Variants in MRAS observed in about 807,000 individuals in gnomAD.
The protein encoded by MRAS is muscle RAS oncogene homolog, also known as ras-related protein M-Ras.
A neutral mutation model predicts 20.9 loss-of-function variants in MRAS; 4 were observed. The ratio of observed to expected loss-of-function variants is 0.19; its 90% CI spans 0.09 to 0.44. The LOEUF is 0.44. Among genes scored for constraint, MRAS ranks in the 20% least tolerant of loss-of-function variants. The probability of loss-of-function intolerance (pLI) is 0.99; values close to 1 mark genes in which losing one functional copy is unlikely to be tolerated. For missense variants in MRAS, 154 were observed against 277.5 expected (o/e 0.56, Z 3.16); for synonymous variants, 98 against 102.9 (o/e 0.95, Z 0.29).
At chr3:138,369,379 T>A (rs1199336) in intron 1 of MRAS, among the ~76,000 whole-genome samples, 129,718 of 152,084 alleles carry the variant, frequency 0.85, 55,599 homozygotes, top group East Asian at 0.97. Context: ...ATGAGGAGGT[T>A]TGTGCTCTCC....
At chr3:138,377,226 G>A (rs1022726013) in intron 2 of MRAS, among the ~76,000 whole-genome samples, 1 of 152,188 alleles carries the variant, frequency 6.6e-6, no homozygotes, top group African/African-American at 2.4e-5. Flanking sequence ...CCCGATTTAG[G>A]GCATTGCCCA....
chr3:138,397,222 G>A, intron 2 of MRAS, 102 bp from the exon 3 acceptor site: 2 of 1,415,450 alleles, frequency 1.4e-6, no homozygotes, highest in Non-Finnish European at 1.9e-6. Context: ...CTCGGACTGG[G>A]CCACGGTAGG....
At chr3:138,395,447 A>G (rs2055216094) in intron 2 of MRAS, among the ~76,000 whole-genome samples, 1 of 151,054 alleles carries the variant, frequency 6.6e-6, no homozygotes, top group South Asian at 2.1e-4. Flanking sequence ...CCTCCTCTCC[A>G]TCCTTCACAC....
intron 1 of MRAS, among the ~76,000 whole-genome samples, chr3:138,366,288 T>A (rs138283442): frequency 9.7e-4 from 148 of 152,292 alleles, no homozygotes; most frequent in African/African-American, 3.2e-3. Flanking sequence ...CCAGACATCA[T>A]AGAGATGAGA....
At chr3:138,373,972 G>A (rs2054728669) in intron 2 of MRAS, among the ~76,000 whole-genome samples, 1 of 150,996 alleles carries the variant, frequency 6.6e-6, no homozygotes, top group South Asian at 2.1e-4. Context: ...GTTTGTTTTT[G>A]GGGGGACGGA....
chr3:138,389,028 G>C (rs2055073879), intron 2 of MRAS, among the ~76,000 whole-genome samples: 1 of 151,966 alleles, frequency 6.6e-6, no homozygotes, highest in Non-Finnish European at 1.5e-5. Flanking sequence ...TTTTAGTAGA[G>C]ACTGGGTTTT....
chr3:138,351,204 CCAAA>C (rs2054219983), intron 1 of MRAS, among the ~76,000 whole-genome samples: 1 of 152,124 alleles, frequency 6.6e-6, no homozygotes, highest in Non-Finnish European at 1.5e-5. Flanking sequence ...TGAAATGCCC[CCAAA>C]CAGAGTGTGT....
intron 2 of MRAS, among the ~76,000 whole-genome samples, chr3:138,374,922 C>A (rs111712486): frequency 7.0e-4 from 106 of 152,268 alleles, no homozygotes; most frequent in Non-Finnish European, 1.3e-3. Context: ...TGCACTGTCA[C>A]CCAGGCTGGA....
Position 138,402,235 on chromosome 3 carries a change from C to G in MRAS, c.593C>G (p.Thr198Arg). ...ACCAAATGGCGGGGAGACCGGGCCACAGGCACCCACAAACTGCAATGTGTG... is the reference window on the plus strand; with the variant it reads ...ACCAAATGGCGGGGAGACCGGGCCAGAGGCACCCACAAACTGCAATGTGTG... The part of the protein sequence containing the change: ...KKTKWRGDRA[T>R]GTHKLQCVIL Residue 198 changes from threonine (T) to arginine (R), a missense_variant, in exon 6 of 6, where the codon ACA becomes AGA. Thr to Arg is a moderately conservative substitution (Grantham distance 71). This residue lies in a region of MRAS where 125 missense variants were observed against 213.5 expected (regional missense o/e 0.59). Coordinates refer to ENST00000423968, the MANE Select transcript of MRAS (RefSeq NM_001085049.3). The G allele has an allele frequency of 1.2e-6, 2 of 1,614,254 alleles. No individual in the cohort carries two copies. Among genetic ancestry groups the G allele is most frequent in the South Asian group, 1.1e-5 (1 of 91,086 alleles).
At position 138,392,069 on chromosome 3, in the gene MRAS, C is replaced by T. The variant is rs555212344; in HGVS notation, c.194-5255C>T. On this transcript the variant is annotated intron_variant, in intron 2 of 5. Coordinates refer to ENST00000423968, the MANE Select transcript of MRAS (RefSeq NM_001085049.3). ...AGGAGAATCGCTGGAACCCGGCAGG[C>T]GGAGGTTGCAGTGAGCCAAGATTGC... Among the ~76,000 whole-genome samples the T allele has an allele frequency of 3.9e-5, 6 of 152,164 alleles. No homozygotes were observed. In the East Asian group the frequency reaches 7.7e-4, roughly 20 times the overall value.
chr3:138,351,784 G>C lies in MRAS; in HGVS notation c.-19+3017G>C, dbSNP rs1219130864. Among the ~76,000 whole-genome samples the C allele has an allele frequency of 2.0e-5, 3 of 152,304 alleles. No individual in the cohort carries two copies. The South Asian group carries it at 6.2e-4, about 32-fold the overall frequency. ...TAGCCATAAAGGCTGAGTGTCTGGA[G>C]TTCAGAGTAATAGGTTTTGTCTTCT... On this transcript the variant is annotated intron_variant, in intron 1 of 5. Coordinates refer to ENST00000423968, the MANE Select transcript of MRAS (RefSeq NM_001085049.3).
chr3:138,398,837 G>A (rs901312113), intron 4 of MRAS, among the ~76,000 whole-genome samples: 13 of 152,230 alleles, frequency 8.5e-5, no homozygotes, highest in African/African-American at 3.1e-4. Flanking sequence ...ACTTCTGAGT[G>A]ATGGGGTGGG....
intron 1 of MRAS, among the ~76,000 whole-genome samples, chr3:138,360,555 C>T (rs2054425948): frequency 6.6e-6 from 1 of 152,168 alleles, no homozygotes. Flanking sequence ...GGAAGGACCC[C>T]TCATCGCCAC....
At chr3:138,380,773 T>C (rs1394408661) in intron 2 of MRAS, among the ~76,000 whole-genome samples, 1 of 151,906 alleles carries the variant, frequency 6.6e-6, no homozygotes, top group Non-Finnish European at 1.5e-5. Context: ...CTTTCCTTTT[T>C]TTTTCTTTTT....
At chr3:138,355,385 C>T (rs1334788991) in intron 1 of MRAS, among the ~76,000 whole-genome samples, 2 of 152,304 alleles carry the variant, frequency 1.3e-5, no homozygotes, top group East Asian at 3.9e-4. Context: ...CTGGTGTTAT[C>T]CTGTTTGCAT....
At chr3:138,373,157 C>A in intron 2 of MRAS, 81 bp downstream of exon 2, 1 of 1,225,692 alleles carries the variant, frequency 8.2e-7, no homozygotes. Flanking sequence ...TTCAGTGGGG[C>A]AAGATGGTTT....
At chr3:138,394,376 G>A (rs757437436) in intron 2 of MRAS, among the ~76,000 whole-genome samples, 7 of 152,162 alleles carry the variant, frequency 4.6e-5, no homozygotes, top group South Asian at 2.1e-4. Context: ...GGGTCCTCTT[G>A]TCCATCACTG....
intron 1 of MRAS, among the ~76,000 whole-genome samples, chr3:138,370,728 C>A (rs535031240): frequency 5.3e-5 from 8 of 152,266 alleles, no homozygotes; most frequent in Non-Finnish European, 1.0e-4. Flanking sequence ...TTCCTGGGAG[C>A]ATTTTAATAG....
rs2055381931 is a variant in MRAS at position 138,402,524 on chromosome 3, G to A, written c.*255G>A. On this transcript the variant is annotated 3_prime_UTR_variant, in exon 6 of 6. Coordinates refer to ENST00000423968, the MANE Select transcript of MRAS (RefSeq NM_001085049.3). ...ATCCAAGTGCCCCTGGCCCCCCCAT[G>A]TGTTGATTCAACCCGGTTCCTCCCC... is the stretch of plus-strand genomic sequence containing the variant. 6 of 429,088 alleles carry A rather than the reference G, an allele frequency of 1.4e-5. No homozygotes were observed. Among genetic ancestry groups the A allele is most frequent in the Middle Eastern group, 5.9e-4 (1 of 1,686 alleles). 26.6% of individuals were successfully genotyped at this position (429,088 alleles called of 1,614,324 possible).
Sources: gnomAD v4.1 joint callset for allele counts (sites outside exome capture counted in the v4.1 genomes callset) on GRCh38, gnomAD v4.1.1 for gene constraint, gnomAD v4.1.1 regional missense constraint, MANE v1.5 for transcripts, NCBI Gene and HGNC (gene_info 2026-07-23, HGNC 2026-07-21) for gene names.